The following ZNF507 variants were observed in gnomAD, a reference collection of about 807,000 sequenced individuals.
ZNF507 encodes the protein zinc finger protein 507.
ZNF507 carries 29 observed loss-of-function variants against 80.0 expected under a neutral mutation model. The ratio of observed to expected loss-of-function variants is 0.36; its 90% confidence interval spans 0.27 to 0.49. The LOEUF is 0.49. Ranked by LOEUF, ZNF507 falls within the 20% of genes least tolerant of loss-of-function variation. The probability of loss-of-function intolerance (pLI) is 0.98; values close to 1 mark genes in which losing one functional copy is unlikely to be tolerated. For synonymous variants in ZNF507, 462 were observed against 422.5 expected (o/e 1.09, Z -1.15); for missense variants, 1,081 against 1,152.2 (o/e 0.94, Z 0.90).
chr19:32,352,819 T>C lies in ZNF507; in HGVS notation c.-2-10T>C. ...CCTGGTATTTTTCTGTTTTACATTA[T>C]CCTTTTTAGATATGGAAGAAAGTAG... is the stretch of plus-strand genomic sequence containing the variant. On this transcript the variant is annotated splice_polypyrimidine_tract_variant and intron_variant, in intron 2 of 6. Transcript: ENST00000355898. 1.3e-6 allele frequency: 2 copies of C among 1,552,456 alleles called. No individual in the cohort carries two copies. Among genetic ancestry groups the C allele is most frequent in the Non-Finnish European group, 1.7e-6 (2 of 1,155,754 alleles).
chr19:32,374,910 A>G (rs986581172), intron 5 of ZNF507, among the ~76,000 whole-genome samples: 1 of 152,192 alleles, frequency 6.6e-6, no homozygotes, highest in South Asian at 2.1e-4. Flanking sequence ...GGTGTTTCCT[A>G]ATTAAGCTTG....
intron 4 of ZNF507, chr19:32,359,928 C>A: frequency 6.6e-6 from 1 of 152,410 alleles, no homozygotes; most frequent in South Asian, 2.0e-4. Context: ...ATCTCTTGCT[C>A]TGTTGCCCAG....
intron 2 of ZNF507, among the ~76,000 whole-genome samples, chr19:32,347,956 C>T (rs1311743776): frequency 1.3e-5 from 2 of 152,022 alleles, no homozygotes; most frequent in Non-Finnish European, 2.9e-5. Flanking sequence ...TAATAATTAC[C>T]TTGGGCTCAG....
At chr19:32,365,567 A>G (rs564867317) in intron 5 of ZNF507, among the ~76,000 whole-genome samples, 17 of 152,240 alleles carry the variant, frequency 1.1e-4, no homozygotes, top group African/African-American at 4.1e-4. Flanking sequence ...TTTTACTGAA[A>G]AGTTCCACTC....
At chr19:32,361,665 T>C (rs940842895) in intron 5 of ZNF507, among the ~76,000 whole-genome samples, 3 of 137,718 alleles carry the variant, frequency 2.2e-5, no homozygotes, top group South Asian at 2.4e-4. Context: ...TTCCTTCTTT[T>C]CTTCCTTCCT....
rs1967187833 is a variant in ZNF507 at position 32,352,843 on chromosome 19, A to T, written c.13A>T (p.Ser5Cys). 3.2e-6 allele frequency: 5 copies of T among 1,578,784 alleles called. No homozygotes were observed. Among genetic ancestry groups the T allele is most frequent in the Non-Finnish European group, 4.3e-6 (5 of 1,166,930 alleles). MEES[S>C]SVAMLVPDIG... ...ATCCTTTTTAGATATGGAAGAAAGT[A>T]GCAGTGTTGCCATGTTGGTGCCAGA... is the stretch of plus-strand genomic sequence containing the variant. Residue 5 changes from serine (S) to cysteine (C), a missense_variant, in exon 3 of 7, where the codon AGC becomes TGC. By Grantham distance (112) the Ser-to-Cys change is moderately radical (BLOSUM62 -1). Around this residue, in one of 6 missense-constraint regions of ZNF507, gnomAD observed 275 missense variants for 303.9 expected, o/e 0.90. Transcript: ENST00000355898.
At chr19:32,349,574 A>G (rs1967136582) in intron 2 of ZNF507, among the ~76,000 whole-genome samples, 2 of 152,218 alleles carry the variant, frequency 1.3e-5, no homozygotes, top group Admixed American at 1.3e-4. Flanking sequence ...TTAAACTGCA[A>G]GTATTAAGAA....
At chr19:32,377,941 T>C (rs1486355815) in intron 5 of ZNF507, among the ~76,000 whole-genome samples, 1 of 151,750 alleles carries the variant, frequency 6.6e-6, no homozygotes, top group East Asian at 1.9e-4. Context: ...GTAGCCTTTC[T>C]CCCAAGAACC....
intron 5 of ZNF507, among the ~76,000 whole-genome samples, chr19:32,378,676 A>G (rs530162481): frequency 9.5e-4 from 144 of 151,968 alleles, no homozygotes; most frequent in African/African-American, 3.4e-3. Context: ...AACAGTAAAC[A>G]ATAGCTCATC....
At position 32,353,644 on chromosome 19, in the gene ZNF507, G is replaced by C; in HGVS notation, c.814G>C (p.Gly272Arg). The C allele has an allele frequency of 1.9e-6, 3 of 1,614,192 alleles. No homozygotes were observed. The highest frequency in any genetic ancestry group is 2.5e-6 in the Non-Finnish European group (3 of 1,180,038). The change falls in exon 3 of 7, where the codon GGG becomes CGG. Residue 272 changes from glycine (G) to arginine (R), a missense_variant. Transcript: ENST00000355898. ...MLKTHAWKHA[G>R]EVDCSYPIFE... ...GAAAACACACGCTTGGAAACATGCT[G>C]GGGAGGTTGATTGCTCCTATCCAAT...
chr19:32,348,177 G>A (rs1018080861), intron 2 of ZNF507, among the ~76,000 whole-genome samples: 1 of 152,158 alleles, frequency 6.6e-6, no homozygotes, highest in Non-Finnish European at 1.5e-5. Flanking sequence ...GGGCACTTTA[G>A]GGGAGGGACC....
At position 32,383,105 on chromosome 19, in the gene ZNF507, G is replaced by A; in HGVS notation, c.*22G>A. On this transcript the variant is annotated 3_prime_UTR_variant, in exon 7 of 7. Coordinates refer to ENST00000355898, the MANE Select transcript of ZNF507 (RefSeq NM_001136156.2). The stretch of plus-strand genomic sequence containing the variant: ...TTAGGTGGAATAATGACTCGAGCAG[G>A]AAAGCAGTAGAAGAGGATTCCTTCA... 1 of 1,599,122 alleles carries A rather than the reference G, an allele frequency of 6.3e-7. No individual in the cohort carries two copies. Among genetic ancestry groups the A allele is most frequent in the Non-Finnish European group, 8.5e-7 (1 of 1,170,130 alleles).
intron 5 of ZNF507, among the ~76,000 whole-genome samples, chr19:32,370,552 G>A (rs537257090): frequency 6.6e-6 from 1 of 152,244 alleles, no homozygotes; most frequent in African/African-American, 2.4e-5. Context: ...ATCTGTTCAG[G>A]TCCTTTGCCC....
chr19:32,381,717 G>T, intron 5 of ZNF507, among the ~76,000 whole-genome samples: 1 of 152,126 alleles, frequency 6.6e-6, no homozygotes, highest in East Asian at 1.9e-4. Context: ...TATCAATATA[G>T]ATTCATCATT....
Position 32,387,072 on chromosome 19 carries a change from TAA to T in ZNF507, c.*3990_*3991del, listed in dbSNP as rs1967699142. On this transcript the variant is annotated 3_prime_UTR_variant, in exon 7 of 7. Transcript: ENST00000355898. ...TAGCTTTTTAAATCATTTTAAAAAT[TAA>T]GTCTAATTTTGAAGCTTTTTTCCTT... The T allele has an allele frequency of 6.6e-6, 1 of 152,182 alleles. No homozygotes were observed. Among genetic ancestry groups the T allele is most frequent in the Admixed American group, 6.5e-5 (1 of 15,270 alleles). 9.4% of individuals were successfully genotyped at this position (152,182 alleles called of 1,614,324 possible).
chr19:32,379,612 A>G (rs940594971), intron 5 of ZNF507, among the ~76,000 whole-genome samples: 22 of 152,212 alleles, frequency 1.4e-4, no homozygotes, highest in African/African-American at 5.3e-4. Context: ...TGTATATAAC[A>G]TATGTATGTG....
chr19:32,360,674 GAAATA>G lies in ZNF507; in HGVS notation c.2360+61_2360+65del. 9.0e-6 allele frequency: 8 copies of G among 890,522 alleles called. No individual in the cohort carries two copies. The South Asian group carries it at 2.1e-4, about 23-fold the overall frequency. The allele number at this position is 890,522 out of a possible 1,614,324, so 55.2% of individuals were successfully genotyped here. On this transcript the variant is annotated intron_variant, in intron 5 of 6. Coordinates refer to ENST00000355898, the MANE Select transcript of ZNF507 (RefSeq NM_001136156.2). Reference sequence around the variant, plus strand: ...TTGTATTAAAATATTTTATATTAAAGAAATAAAATGAAATAAAAATGTATAGCACT... The same window carrying G: ...TTGTATTAAAATATTTTATATTAAAGAAATGAAATAAAAATGTATAGCACT...
chr19:32,372,640 C>T (rs1342757909), intron 5 of ZNF507, among the ~76,000 whole-genome samples: 1 of 152,016 alleles, frequency 6.6e-6, no homozygotes, highest in East Asian at 1.9e-4. Flanking sequence ...GGCGTCCTGG[C>T]TTCATAACAC....
rs147688921 is a variant in ZNF507 at position 32,353,098 on chromosome 19, G to A, written c.268G>A (p.Ala90Thr). Residue 90 changes from alanine (A) to threonine (T), a missense_variant, in exon 3 of 7, where the codon GCT (alanine) becomes ACT (threonine). By Grantham distance (58) the Ala-to-Thr change is moderately conservative. This residue lies in a region of ZNF507 where 275 missense variants were observed against 303.9 expected (regional missense o/e 0.90). Coordinates refer to ENST00000355898, the MANE Select transcript of ZNF507 (RefSeq NM_001136156.2). ...LETQELCEIP[A>T]KVIQSPAADT... ...AACCCAAGAACTTTGTGAGATTCCGGCTAAAGTAATCCAGTCACCTGCTGC... is the reference window on the plus strand; with the variant it reads ...AACCCAAGAACTTTGTGAGATTCCGACTAAAGTAATCCAGTCACCTGCTGC... The A allele has an allele frequency of 1.9e-6, 3 of 1,614,048 alleles. No homozygotes were observed. The highest frequency in any genetic ancestry group is 2.7e-5 in the African/African-American group (2 of 74,924).
Sources: allele counts gnomAD v4.1 joint callset (sites outside exome capture counted in the v4.1 genomes callset), GRCh38; gene constraint gnomAD v4.1.1; regional missense constraint gnomAD v4.1.1; transcripts MANE v1.5; gene names NCBI Gene and HGNC (gene_info 2026-07-23, HGNC 2026-07-21).